The following SLC24A2 variants were observed in gnomAD, a reference collection of about 807,000 sequenced individuals.
The protein encoded by SLC24A2 is solute carrier family 24 member 2.
In SLC24A2, 36 loss-of-function variants were observed where a neutral mutation model predicts 62.0. The ratio of observed to expected loss-of-function variants is 0.58; its 90% CI spans 0.44 to 0.77. The LOEUF (loss-of-function observed/expected upper bound fraction) is 0.77. SLC24A2 is among the 30% of genes least tolerant of loss of function. SLC24A2 has a pLI of 0.00. For synonymous variants in SLC24A2, 358 were observed against 294.0 expected (o/e 1.22, Z -2.23); for missense variants, 846 against 817.9 (o/e 1.03, Z -0.42).
chr9:20,120,094 C>A, the SLC24A2 span, among the ~76,000 whole-genome samples: 174 of 152,272 alleles, frequency 1.1e-3, 1 homozygote, highest in African/African-American at 4.0e-3. Flanking sequence ...TGATTTTTAA[C>A]ACCAGCAACA....
chr9:20,033,479 A>G, the SLC24A2 span, among the ~76,000 whole-genome samples: 1 of 152,120 alleles, frequency 6.6e-6, no homozygotes, highest in Non-Finnish European at 1.5e-5. Context: ...ACTCCCTTTT[A>G]CTTTTTAGTA....
the SLC24A2 span, among the ~76,000 whole-genome samples, chr9:20,173,965 G>A: frequency 6.6e-6 from 1 of 152,054 alleles, no homozygotes; most frequent in African/African-American, 2.4e-5. Flanking sequence ...GAAAACCATA[G>A]TCACCAAAAC....
chr9:19,672,567 C>T (rs967428712), intron 2 of SLC24A2, among the ~76,000 whole-genome samples: 1 of 145,974 alleles, frequency 6.9e-6, no homozygotes, highest in Non-Finnish European at 1.5e-5. Context: ...TATTTCTTTT[C>T]TTGTGCGGGG....
the SLC24A2 span, among the ~76,000 whole-genome samples, chr9:19,963,900 C>T: frequency 6.6e-6 from 1 of 152,048 alleles, no homozygotes; most frequent in Non-Finnish European, 1.5e-5. Context: ...AATCATGCTG[C>T]TATAAAGACA....
At chr9:20,293,908 C>G in the SLC24A2 span, among the ~76,000 whole-genome samples, 1 of 152,284 alleles carries the variant, frequency 6.6e-6, no homozygotes, top group East Asian at 1.9e-4. Flanking sequence ...ACCAAGTCCT[C>G]AGGCTCCACA....
At chr9:20,272,648 G>C in the SLC24A2 span, among the ~76,000 whole-genome samples, 1 of 152,096 alleles carries the variant, frequency 6.6e-6, no homozygotes, top group Non-Finnish European at 1.5e-5. Flanking sequence ...AGTCTTCAAG[G>C]TAAACCAATT....
the SLC24A2 span, among the ~76,000 whole-genome samples, chr9:20,173,157 A>C: frequency 6.6e-6 from 1 of 152,076 alleles, no homozygotes; most frequent in Admixed American, 6.6e-5. Flanking sequence ...AACTCAGTAA[A>C]ATTGGCATAC....
At chr9:19,611,778 CAA>C (rs1837180628) in intron 4 of SLC24A2, among the ~76,000 whole-genome samples, 1 of 152,118 alleles carries the variant, frequency 6.6e-6, no homozygotes, top group South Asian at 2.1e-4. Flanking sequence ...GAAGACTGGA[CAA>C]AGTTACTAGG....
chr9:19,813,816 T>C, the SLC24A2 span, among the ~76,000 whole-genome samples: 1 of 152,222 alleles, frequency 6.6e-6, no homozygotes, highest in Non-Finnish European at 1.5e-5. Flanking sequence ...AGCTAGCTAG[T>C]CCTTTCCACC....
At chr9:19,619,794 A>G (rs567196770) in intron 3 of SLC24A2, 102 bp from the exon 4 acceptor site, 4 of 862,456 alleles carry the variant, frequency 4.6e-6, no homozygotes, top group Middle Eastern at 2.7e-4. Context: ...TTTCTGTCGC[A>G]TGATCACACA....
At chr9:19,518,148 TAAA>T (rs1379731979) in intron 10 of SLC24A2, among the ~76,000 whole-genome samples, 1 of 152,182 alleles carries the variant, frequency 6.6e-6, no homozygotes, top group Non-Finnish European at 1.5e-5. Flanking sequence ...TTTTGAATAA[TAAA>T]AAGCTGAGTA....
At chr9:19,572,353 CTG>C (rs1389780485) in intron 7 of SLC24A2, among the ~76,000 whole-genome samples, 1 of 151,514 alleles carries the variant, frequency 6.6e-6, no homozygotes. Context: ...TGGTTTGGCT[CTG>C]TGTCCCCACC....
the SLC24A2 span, among the ~76,000 whole-genome samples, chr9:19,978,580 A>C: frequency 6.6e-6 from 1 of 152,168 alleles, no homozygotes; most frequent in African/African-American, 2.4e-5. Flanking sequence ...AATTCAAGGA[A>C]AGAAAAGGGT....
chr9:20,165,093 C>A, the SLC24A2 span, among the ~76,000 whole-genome samples: 1 of 151,330 alleles, frequency 6.6e-6, no homozygotes, highest in Non-Finnish European at 1.5e-5. Flanking sequence ...ATGTAACTAA[C>A]CTGCACATTG....
the SLC24A2 span, among the ~76,000 whole-genome samples, chr9:19,809,897 A>G: frequency 1.3e-4 from 19 of 151,852 alleles, no homozygotes; most frequent in African/African-American, 3.9e-4. Flanking sequence ...TCTTTTACCT[A>G]TTAAACCTCC....
chr9:20,091,610 T>A, the SLC24A2 span, among the ~76,000 whole-genome samples: 6 of 152,170 alleles, frequency 3.9e-5, no homozygotes, highest in Middle Eastern at 0.01. Flanking sequence ...AAACTAAGCT[T>A]CCTCAGTGAA....
chr9:19,541,518 G>A (rs1417238639), intron 8 of SLC24A2, among the ~76,000 whole-genome samples: 6 of 148,616 alleles, frequency 4.0e-5, no homozygotes, highest in South Asian at 4.3e-4. Context: ...TAGGCTGCTC[G>A]GGGGTCAGGG....
At chr9:19,770,312 A>G (rs1193684903) in intron 2 of SLC24A2, among the ~76,000 whole-genome samples, 2 of 152,028 alleles carry the variant, frequency 1.3e-5, no homozygotes, top group Non-Finnish European at 2.9e-5. Flanking sequence ...TTCTGGATTA[A>G]CGGAAGTTTA....
At position 19,509,536 on chromosome 9, in the gene SLC24A2, C is replaced by G. The variant is rs775710415; in HGVS notation, c.*6617G>C. The stretch of plus-strand genomic sequence containing the variant: ...TAAGACAGTTGTCTCTTATGAAGTA[C>G]TATAAAGTGCAATATTAAAAAATTA... On this transcript the variant is annotated 3_prime_UTR_variant, in exon 11 of 11. Transcript: ENST00000341998. 5 of 152,144 alleles carry G rather than the reference C, an allele frequency of 3.3e-5. No homozygotes were observed. The highest frequency in any genetic ancestry group is 7.4e-5 in the Non-Finnish European group (5 of 68,004). The allele number at this position is 152,144 out of a possible 1,614,324, so 9.4% of individuals were successfully genotyped here. A position where few individuals can be genotyped will look rare whatever the true frequency, so the allele number is the denominator to read the frequency against.
Sources: allele counts gnomAD v4.1 joint callset (sites outside exome capture counted in the v4.1 genomes callset), GRCh38; gene constraint gnomAD v4.1.1; transcripts MANE v1.5; gene names NCBI Gene and HGNC (gene_info 2026-07-23, HGNC 2026-07-21).